Variants in TRERF1 observed in about 807,000 individuals in gnomAD.
TRERF1 encodes transcriptional regulating factor 1.
In TRERF1, 27 loss-of-function variants were observed where a neutral mutation model predicts 122.9. The observed-to-expected ratio is 0.22, with a 90% confidence interval of 0.16 to 0.30. The LOEUF (loss-of-function observed/expected upper bound fraction) is 0.30. TRERF1 is among the 10% of genes least tolerant of loss of function. TRERF1 has a pLI of 1.00. For missense variants in TRERF1, 1,248 were observed against 1,560.3 expected (o/e 0.80, Z 3.37); for synonymous variants, 636 against 641.7 (o/e 0.99, Z 0.13).
Position 42,422,013 on chromosome 6 carries a change from CA to C in TRERF1, c.-454+29163del, listed in dbSNP as rs1306575198. On this transcript the variant is annotated intron_variant, in intron 2 of 17. Transcript: ENST00000372922. ...TGAAACCCTCTCTCTACTAAAAATA[CA>C]AAAAAAATTAGCCAGGCGTGGTGGC... 4.0e-5 allele frequency among the ~76,000 whole-genome samples: 6 copies of C among 149,438 alleles called. No homozygotes were observed. The East Asian group carries it at 1.0e-3, about 25-fold the overall frequency.
chr6:42,288,345 G>A (rs1783640272), intron 4 of TRERF1, among the ~76,000 whole-genome samples: 1 of 152,064 alleles, frequency 6.6e-6, no homozygotes, highest in African/African-American at 2.4e-5. Context: ...GAGGTGGGCA[G>A]GTCACCTGAG....
In TRERF1 at chr6:42,228,776, G is replaced by A. The variant is rs1369261825; in HGVS notation, c.3279-107C>T. 4 of 1,118,132 alleles carry A rather than the reference G, an allele frequency of 3.6e-6. No individual in the cohort carries two copies. In the Admixed American group the frequency reaches 9.2e-5, roughly 26 times the overall value. The allele number at this position is 1,118,132 out of a possible 1,614,324, so 69.3% of individuals were successfully genotyped here. On this transcript the variant is annotated intron_variant, in intron 17 of 17. Coordinates refer to ENST00000372922, the Ensembl canonical transcript of TRERF1. The surrounding 1 kb of genome is among the most constrained non-coding windows in gnomAD (Gnocchi z 4.2). ...GGGTGTGTGGTCTGACAAAGTCCCTGGCTGCTCGGCTTCTAGGACCTCCTT... is the reference window on the plus strand; with the variant it reads ...GGGTGTGTGGTCTGACAAAGTCCCTAGCTGCTCGGCTTCTAGGACCTCCTT...
At chr6:42,346,955 C>A (rs1768407570) in intron 3 of TRERF1, among the ~76,000 whole-genome samples, 1 of 152,144 alleles carries the variant, frequency 6.6e-6, no homozygotes, top group South Asian at 2.1e-4. Flanking sequence ...TCATCTCAAC[C>A]ATGGAGGTTT....
chr6:42,374,150 A>AGAAGAAGAAG (rs1554193490), intron 2 of TRERF1, among the ~76,000 whole-genome samples: 3 of 143,962 alleles, frequency 2.1e-5, no homozygotes, highest in African/African-American at 7.8e-5. Context: ...AAAAAAAAAA[A>AGAAGAAGAAG]AAGAAGAAGA....
At chr6:42,387,775 G>A (rs939434102) in intron 2 of TRERF1, among the ~76,000 whole-genome samples, 1 of 142,932 alleles carries the variant, frequency 7.0e-6, no homozygotes, top group Non-Finnish European at 1.5e-5. Context: ...TTTTACATCA[G>A]TAAACCAAGA....
rs781284700 is a variant in TRERF1 at position 42,268,283 on chromosome 6, T to C, written c.1308A>G (p.Pro436=). 1.1e-5 allele frequency: 16 copies of C among 1,511,486 alleles called. No individual in the cohort carries two copies. The highest frequency in any genetic ancestry group is 1.4e-5 in the African/African-American group (1 of 71,632). The allele number at this position is 1,511,486 out of a possible 1,614,324, so 93.6% of individuals were successfully genotyped here. A position where few individuals can be genotyped will look rare whatever the true frequency, so the allele number is the denominator to read the frequency against. ...TGACCCGGGTCAGATCTGAGCTCGCTGGGTCTCCCATTCCTGTGTCAGGAG... is the reference window on the plus strand; with the variant it reads ...TGACCCGGGTCAGATCTGAGCTCGCCGGGTCTCCCATTCCTGTGTCAGGAG... The change falls in exon 5 of 18, where the codon CCA becomes CCG. Residue 436 remains proline (P), a synonymous_variant. Transcript: ENST00000372922. This position sits in a 1 kb window ranked among gnomAD's most constrained non-coding sequence, Gnocchi z 4.4.
At chr6:42,422,348 T>C (rs1338923816) in intron 2 of TRERF1, among the ~76,000 whole-genome samples, 1 of 151,896 alleles carries the variant, frequency 6.6e-6, no homozygotes, top group African/African-American at 2.4e-5. Context: ...GACAAAACCC[T>C]GTCTCTACAA....
intron 2 of TRERF1, among the ~76,000 whole-genome samples, chr6:42,400,211 G>C (rs976873494): frequency 2.0e-5 from 3 of 152,138 alleles, no homozygotes; most frequent in African/African-American, 7.2e-5. Flanking sequence ...CCTAACCTCA[G>C]CCAGCTACAC....
chr6:42,277,905 G>GGAAGAAGGAAGAAGGAAGAAGAA, intron 4 of TRERF1, among the ~76,000 whole-genome samples: 1 of 85,082 alleles, frequency 1.2e-5, no homozygotes, highest in African/African-American at 5.1e-5. Flanking sequence ...GAAGGAAGAA[G>GGAAGAAGGAAGAAGGAAGAAGAA]GAAGAAGAAG....
chr6:42,351,814 A>C (rs1769497449), intron 3 of TRERF1, among the ~76,000 whole-genome samples: 2 of 152,136 alleles, frequency 1.3e-5, no homozygotes, highest in South Asian at 4.2e-4. Flanking sequence ...CTCTTCCTCC[A>C]TCTGCCAAAC....
chr6:42,320,334 G>T (rs1163494206), intron 3 of TRERF1, among the ~76,000 whole-genome samples: 2 of 152,110 alleles, frequency 1.3e-5, no homozygotes, highest in Non-Finnish European at 2.9e-5. Context: ...TACTTTAGGT[G>T]GTGGAGCGTT....
At chr6:42,424,997 T>TA (rs1198306438) in intron 2 of TRERF1, among the ~76,000 whole-genome samples, 2 of 152,184 alleles carry the variant, frequency 1.3e-5, no homozygotes, top group Non-Finnish European at 2.9e-5. Context: ...ACTACTCAGT[T>TA]AGTCTTCAAG....
At chr6:42,298,761 GA>G (rs1358366551) in intron 4 of TRERF1, among the ~76,000 whole-genome samples, 1 of 151,978 alleles carries the variant, frequency 6.6e-6, no homozygotes, top group Admixed American at 6.5e-5. Flanking sequence ...CCAACATGGT[GA>G]AATCCCATCT....
chr6:42,378,438 T>G (rs966345773), intron 2 of TRERF1, among the ~76,000 whole-genome samples: 5 of 152,090 alleles, frequency 3.3e-5, no homozygotes, highest in African/African-American at 4.8e-5. Flanking sequence ...GAGAAAACTT[T>G]TTAAATATTT....
At chr6:42,427,096 G>A (rs1358527147) in intron 2 of TRERF1, among the ~76,000 whole-genome samples, 2 of 151,578 alleles carry the variant, frequency 1.3e-5, no homozygotes, top group Non-Finnish European at 2.9e-5. Flanking sequence ...TGAGATGGGA[G>A]GATCACTTGA....
chr6:42,289,702 A>C (rs1437532260), intron 4 of TRERF1, among the ~76,000 whole-genome samples: 1 of 152,228 alleles, frequency 6.6e-6, no homozygotes, highest in African/African-American at 2.4e-5. Context: ...CTGTAAAAGC[A>C]GCTCAAGGAC....
intron 3 of TRERF1, among the ~76,000 whole-genome samples, chr6:42,306,658 C>T (rs936817181): frequency 6.6e-6 from 1 of 152,236 alleles, no homozygotes; most frequent in East Asian, 1.9e-4. Flanking sequence ...ACCCCAGGGC[C>T]TTTGCACATG....
chr6:42,371,762 T>C (rs921636193), intron 2 of TRERF1, among the ~76,000 whole-genome samples: 1 of 152,160 alleles, frequency 6.6e-6, no homozygotes, highest in African/African-American at 2.4e-5. Flanking sequence ...GGCAATTCTG[T>C]CTCCTTAAAT....
At chr6:42,258,353 G>A (rs11963086) in intron 9 of TRERF1, 152 bp from the exon 10 acceptor site, 7,050 of 680,372 alleles carry the variant, frequency 0.01, 315 homozygotes, top group African/African-American at 0.1. Flanking sequence ...AGGGAGCTGG[G>A]TGGAGTATGG....
Sources: allele counts gnomAD v4.1 joint callset (sites outside exome capture counted in the v4.1 genomes callset), GRCh38; gene constraint gnomAD v4.1.1; non-coding constraint Gnocchi (gnomAD v3.1); transcripts MANE v1.5; gene names NCBI Gene and HGNC (gene_info 2026-07-23, HGNC 2026-07-21).